Variants in IL6R observed in about 807,000 individuals in gnomAD.
IL6R encodes the protein interleukin 6 receptor.
In IL6R, 38 loss-of-function variants were observed where a neutral mutation model predicts 48.3. The ratio of observed to expected loss-of-function variants is 0.79; its 90% confidence interval spans 0.61 to 1.03. The LOEUF (loss-of-function observed/expected upper bound fraction) is 1.03, where lower values mean the gene tolerates loss of function less well. IL6R is among the 50% of genes least tolerant of loss of function. The probability of loss-of-function intolerance (pLI) is 0.00; values close to 1 mark genes in which losing one functional copy is unlikely to be tolerated. For synonymous variants in IL6R, 264 were observed against 256.2 expected (o/e 1.03, Z -0.29); for missense variants, 534 against 618.3 (o/e 0.86, Z 1.45).
chr1:154,446,949 A>G (rs1025540198), intron 6 of IL6R, among the ~76,000 whole-genome samples: 1 of 152,132 alleles, frequency 6.6e-6, no homozygotes, highest in Non-Finnish European at 1.5e-5. Flanking sequence ...TGCATTCTTC[A>G]TACAGCATTA....
intron 6 of IL6R, among the ~76,000 whole-genome samples, chr1:154,444,208 C>T (rs933014230): frequency 4.3e-5 from 6 of 138,224 alleles, no homozygotes; most frequent in Admixed American, 2.2e-4. Context: ...AAGTTGCTAG[C>T]TTTTTTTTTT....
intron 9 of IL6R, 84 bp downstream of exon 9, chr1:154,454,665 G>A: frequency 1.1e-6 from 1 of 902,152 alleles, no homozygotes. Flanking sequence ...AATTTATGGT[G>A]CATTTATTCA....
intron 1 of IL6R, among the ~76,000 whole-genome samples, chr1:154,417,580 GAT>G (rs1346659000): frequency 6.6e-6 from 1 of 152,022 alleles, no homozygotes; most frequent in African/African-American, 2.4e-5. Context: ...GCCCTCCTTA[GAT>G]ATCCTTTCTT....
At position 154,434,513 on chromosome 1, in the gene IL6R, TAA is replaced by T. The variant is rs1157050106; in HGVS notation, c.459-5_459-4del. The stretch of plus-strand genomic sequence containing the variant: ...GCAAGCCCTGCCCTTGTTTTGTGTC[TAA>T]CAGTCAGAACAGTCCGGCCGAAGAC... On this transcript the variant is annotated splice_polypyrimidine_tract_variant and splice_region_variant and intron_variant, in intron 3 of 9. Transcript: ENST00000368485. 6.2e-7 allele frequency: 1 copy of T among 1,611,260 alleles called. No homozygotes were observed. Among genetic ancestry groups the T allele is most frequent in the Non-Finnish European group, 8.5e-7 (1 of 1,179,142 alleles).
chr1:154,440,205 T>G (rs895674777), intron 6 of IL6R, among the ~76,000 whole-genome samples: 4 of 152,170 alleles, frequency 2.6e-5, no homozygotes, highest in Non-Finnish European at 4.4e-5. Context: ...TCCTCAAGGT[T>G]TATTCATGTG....
At chr1:154,464,926 C>T (rs1412121134) in intron 9 of IL6R, among the ~76,000 whole-genome samples, 1 of 152,158 alleles carries the variant, frequency 6.6e-6, no homozygotes, top group Non-Finnish European at 1.5e-5. Flanking sequence ...CGCCATAGCA[C>T]TCCAGCCTGG....
At chr1:154,460,668 A>G (rs1691201814) in intron 9 of IL6R, among the ~76,000 whole-genome samples, 1 of 152,216 alleles carries the variant, frequency 6.6e-6, no homozygotes, top group South Asian at 2.1e-4. Flanking sequence ...GTACAGCGCC[A>G]TGAAGTGTAC....
At chr1:154,426,928 T>TC (rs918031314) in intron 1 of IL6R, among the ~76,000 whole-genome samples, 9 of 151,860 alleles carry the variant, frequency 5.9e-5, no homozygotes, top group African/African-American at 2.2e-4. Context: ...AATTTTTTTT[T>TC]TTTTTTTGAG....
At chr1:154,455,614 G>A (rs1315043308) in intron 9 of IL6R, among the ~76,000 whole-genome samples, 1 of 151,348 alleles carries the variant, frequency 6.6e-6, no homozygotes, top group Admixed American at 6.6e-5. Context: ...TACCATGCCC[G>A]GCTAATATTT....
At chr1:154,444,114 A>T (rs1690079177) in intron 6 of IL6R, among the ~76,000 whole-genome samples, 1 of 151,718 alleles carries the variant, frequency 6.6e-6, no homozygotes, top group African/African-American at 2.4e-5. Flanking sequence ...TCCGCCTGAC[A>T]TCCTTGTGCA....
Position 154,405,739 on chromosome 1 carries a change from GGGCTGGGGCAGCTAGC to G in IL6R, c.85+34_85+49del. ...GGTAAGGGCTTCGGGCGCACCTGGA[GGGCTGGGGCAGCTAGC>G]GGCTGGGGGAAACCGCCTTGGTCAC... On this transcript the variant is annotated intron_variant, in intron 1 of 9. Transcript: ENST00000368485. The surrounding 1 kb of genome is among the most constrained non-coding windows in gnomAD (Gnocchi z 5.2). The G allele has an allele frequency of 2.1e-6, 3 of 1,432,074 alleles. No individual in the cohort carries two copies. The highest frequency in any genetic ancestry group is 2.7e-6 in the Non-Finnish European group (3 of 1,098,226). The allele number at this position is 1,432,074 out of a possible 1,614,324, so 88.7% of individuals were successfully genotyped here. A position where few individuals can be genotyped will look rare whatever the true frequency, so the allele number is the denominator to read the frequency against.
At chr1:154,445,479 G>C (rs1411678396) in intron 6 of IL6R, among the ~76,000 whole-genome samples, 1 of 152,118 alleles carries the variant, frequency 6.6e-6, no homozygotes. Flanking sequence ...AGCTGGGCGC[G>C]GTGGCTCACA....
At chr1:154,454,203 C>A (rs1690743388) in intron 8 of IL6R, 2 of 463,686 alleles carry the variant, frequency 4.3e-6, no homozygotes, top group Non-Finnish European at 7.8e-6. Flanking sequence ...GCCACAGGCG[C>A]TCAGAAACCC....
At chr1:154,442,680 G>A (rs1369404877) in intron 6 of IL6R, among the ~76,000 whole-genome samples, 2 of 152,234 alleles carry the variant, frequency 1.3e-5, no homozygotes, top group Non-Finnish European at 2.9e-5. Flanking sequence ...AGGCCAGCAC[G>A]GTCGGCAGCT....
At position 154,426,378 on chromosome 1, in the gene IL6R, G is replaced by A. The variant is rs192478868; in HGVS notation, c.86-2818G>A. On this transcript the variant is annotated intron_variant, in intron 1 of 9. Coordinates refer to ENST00000368485, the MANE Select transcript of IL6R (RefSeq NM_000565.4). ...ATACAAAAAAAGGAAAAAATTAGCC[G>A]GGCATGGTGGTGTGTGCCTGTAGTC... 2.1e-3 allele frequency among the ~76,000 whole-genome samples: 314 copies of A among 151,984 alleles called. 1 individual carries two copies. The highest frequency in any genetic ancestry group is 3.6e-3 in the Non-Finnish European group (243 of 67,944).
chr1:154,447,334 G>A (rs1690282291), intron 6 of IL6R, among the ~76,000 whole-genome samples: 1 of 149,732 alleles, frequency 6.7e-6, no homozygotes, highest in Admixed American at 6.7e-5. Context: ...AACTACTTGG[G>A]AGGCTGAGGA....
intron 6 of IL6R, among the ~76,000 whole-genome samples, chr1:154,439,454 A>C (rs1313065058): frequency 1.3e-5 from 2 of 152,092 alleles, no homozygotes; most frequent in Non-Finnish European, 1.5e-5. Context: ...AGCTGGGACT[A>C]CAGGCACCTG....
At chr1:154,417,699 A>T (rs537622751) in intron 1 of IL6R, among the ~76,000 whole-genome samples, 7 of 149,812 alleles carry the variant, frequency 4.7e-5, no homozygotes, top group African/African-American at 1.7e-4. Context: ...CCTCCCGAGT[A>T]GCTGGGATTA....
chr1:154,464,274 C>G (rs4345796), intron 9 of IL6R, among the ~76,000 whole-genome samples: 1 of 151,880 alleles, frequency 6.6e-6, no homozygotes, highest in Non-Finnish European at 1.5e-5. Flanking sequence ...CCTGCCTCAG[C>G]CTCCCAAGTA....
Sources: allele counts gnomAD v4.1 joint callset (sites outside exome capture counted in the v4.1 genomes callset), GRCh38; gene constraint gnomAD v4.1.1; non-coding constraint Gnocchi (gnomAD v3.1); transcripts MANE v1.5; gene names NCBI Gene and HGNC (gene_info 2026-07-23, HGNC 2026-07-21).